The following DOK6 variants were observed in gnomAD, a reference collection of about 807,000 sequenced individuals.
DOK6 encodes the protein downstream of tyrosine kinase 6.
A neutral mutation model predicts 44.0 loss-of-function variants in DOK6; 22 were observed. That is an observed-to-expected ratio of 0.50 (90% confidence interval 0.36 to 0.71). The LOEUF (loss-of-function observed/expected upper bound fraction) is 0.71. Ranked by LOEUF, DOK6 falls within the 30% of genes least tolerant of loss-of-function variation. The pLI, the probability that DOK6 is intolerant of heterozygous loss-of-function variation, is 0.00. For synonymous variants in DOK6, 166 were observed against 145.5 expected, an observed-to-expected ratio of 1.14 and a Z score of -1.01; for missense variants, 340 against 416.4, an observed-to-expected ratio of 0.82 and a Z score of 1.60.
At chr18:69,739,207 C>G (rs1156748191) in intron 6 of DOK6, 104 bp downstream of exon 6, 1 of 1,466,938 alleles carries the variant, frequency 6.8e-7, no homozygotes, top group Non-Finnish European at 9.2e-7. Context: ...GCCTGGGTGT[C>G]CACCCTGCCC....
At chr18:69,796,849 T>C (rs1296966573) in intron 7 of DOK6, among the ~76,000 whole-genome samples, 1 of 152,192 alleles carries the variant, frequency 6.6e-6, no homozygotes, top group African/African-American at 2.4e-5. Flanking sequence ...AGTTATTTGA[T>C]GTTACATAAC....
chr18:69,418,890 T>A (rs975189780), intron 1 of DOK6, among the ~76,000 whole-genome samples: 4 of 152,096 alleles, frequency 2.6e-5, no homozygotes, highest in Non-Finnish European at 1.5e-5. Flanking sequence ...GGAAAAAACT[T>A]TTTTTGCCTA....
At chr18:69,700,998 G>A (rs1241057958) in intron 5 of DOK6, among the ~76,000 whole-genome samples, 1 of 152,136 alleles carries the variant, frequency 6.6e-6, no homozygotes, top group African/African-American at 2.4e-5. Context: ...AGTAGTATTA[G>A]TACAAATAAT....
rs74870508 is a variant in DOK6, at chr18:69,636,639, A to G, written c.289+37141A>G. On this transcript the variant is annotated intron_variant, in intron 3 of 7. Coordinates refer to ENST00000382713, the MANE Select transcript of DOK6 (RefSeq NM_152721.6). ...CTTGGGCTCTGCTTTCTGGGGCAACATTGGTTTGCTGTCTTCAAAGATCTG... is the reference window on the plus strand; with the variant it reads ...CTTGGGCTCTGCTTTCTGGGGCAACGTTGGTTTGCTGTCTTCAAAGATCTG... Among the ~76,000 whole-genome samples the G allele has an allele frequency of 3.3e-3, 499 of 152,280 alleles. 2 individuals carry two copies. The highest frequency in any genetic ancestry group is 5.6e-3 in the Non-Finnish European group (383 of 68,022).
At chr18:69,421,587 A>ATCC (rs2122407949) in intron 1 of DOK6, among the ~76,000 whole-genome samples, 1 of 152,302 alleles carries the variant, frequency 6.6e-6, no homozygotes, top group East Asian at 1.9e-4. Flanking sequence ...TCTAAACAAG[A>ATCC]AATACAGATT....
chr18:69,612,402 T>C (rs1355733033), intron 3 of DOK6, among the ~76,000 whole-genome samples: 3 of 146,666 alleles, frequency 2.0e-5, no homozygotes, highest in Non-Finnish European at 4.6e-5. Flanking sequence ...AGAGACTTTG[T>C]GTGCGAGGGC....
At chr18:69,723,989 C>T (rs1184783517) in intron 5 of DOK6, among the ~76,000 whole-genome samples, 1 of 152,176 alleles carries the variant, frequency 6.6e-6, no homozygotes, top group African/African-American at 2.4e-5. Flanking sequence ...AATCTGGTCT[C>T]AAAACCTTTA....
intron 3 of DOK6, among the ~76,000 whole-genome samples, chr18:69,639,454 G>A (rs1984887693): frequency 6.6e-6 from 1 of 152,142 alleles, no homozygotes; most frequent in African/African-American, 2.4e-5. Context: ...TGGCAGAGCT[G>A]GGTCCTCACC....
At chr18:69,701,462 C>T (rs1986518954) in intron 5 of DOK6, among the ~76,000 whole-genome samples, 1 of 152,176 alleles carries the variant, frequency 6.6e-6, no homozygotes, top group Non-Finnish European at 1.5e-5. Flanking sequence ...TGATTATGTA[C>T]AATTTTATCC....
At chr18:69,830,860 C>T (rs1981881477) in intron 7 of DOK6, among the ~76,000 whole-genome samples, 1 of 152,140 alleles carries the variant, frequency 6.6e-6, no homozygotes, top group African/African-American at 2.4e-5. Flanking sequence ...GCTTCTGTTT[C>T]CAGGAAACCT....
At chr18:69,482,802 T>C (rs1350126724) in intron 1 of DOK6, among the ~76,000 whole-genome samples, 2 of 151,968 alleles carry the variant, frequency 1.3e-5, no homozygotes, top group Non-Finnish European at 2.9e-5. Context: ...AAAAGTGATA[T>C]AAGAAATATG....
intron 4 of DOK6, among the ~76,000 whole-genome samples, chr18:69,691,302 C>A (rs1599265528): frequency 6.6e-6 from 1 of 151,904 alleles, no homozygotes; most frequent in South Asian, 2.1e-4. Flanking sequence ...GTGAAAAGAA[C>A]CAAGAAGTGT....
chr18:69,592,422 A>G (rs1291232297), intron 2 of DOK6, among the ~76,000 whole-genome samples: 1 of 152,028 alleles, frequency 6.6e-6, no homozygotes. Flanking sequence ...ATGAAATCCT[A>G]CAAAAACAAG....
At chr18:69,739,154 G>T (rs1288158942) in intron 6 of DOK6, 51 bp downstream of exon 6, 8 of 1,605,614 alleles carry the variant, frequency 5.0e-6, no homozygotes, top group African/African-American at 1.3e-5. Flanking sequence ...ATGTCACTGG[G>T]ATCTGATGTA....
rs1056780183 is a variant in DOK6 at position 69,846,797 on chromosome 18, G to A, written c.*5414G>A. 1 of 152,046 alleles carries A rather than the reference G, an allele frequency of 6.6e-6. No homozygotes were observed. The highest frequency in any genetic ancestry group is 6.6e-5 in the Admixed American group (1 of 15,258). 9.4% of individuals were successfully genotyped at this position (152,046 alleles called of 1,614,324 possible). ...TTTTTAACAACTTTGTTGCATAATT[G>A]ATAACATCAGGGCTACATTTTTTTC... On this transcript the variant is annotated 3_prime_UTR_variant, in exon 8 of 8. Transcript: ENST00000382713.
In DOK6 at chr18:69,846,370, G is replaced by A. The variant is rs1436309084; in HGVS notation, c.*4987G>A. On this transcript the variant is annotated 3_prime_UTR_variant, in exon 8 of 8. Transcript: ENST00000382713. ...GTCCTGATCTAGGAATGTTTCCTTG[G>A]CTCCATGGCATCTCCCAGTTTGACA... is the stretch of plus-strand genomic sequence containing the variant. 1.3e-5 allele frequency: 2 copies of A among 152,180 alleles called. No individual in the cohort carries two copies. Among genetic ancestry groups the A allele is most frequent in the Non-Finnish European group, 2.9e-5 (2 of 68,036 alleles). 9.4% of individuals were successfully genotyped at this position (152,180 alleles called of 1,614,324 possible).
chr18:69,755,631 T>C (rs1979330647), intron 6 of DOK6, among the ~76,000 whole-genome samples: 1 of 152,232 alleles, frequency 6.6e-6, no homozygotes, highest in Non-Finnish European at 1.5e-5. Context: ...GCCTGGCCTC[T>C]AGTTCTTTAT....
intron 7 of DOK6, among the ~76,000 whole-genome samples, chr18:69,804,765 C>G (rs1981005721): frequency 6.6e-6 from 1 of 152,120 alleles, no homozygotes; most frequent in African/African-American, 2.4e-5. Context: ...ACTACTTAAG[C>G]TTCCTCAGAA....
At chr18:69,773,852 T>C (rs1384169991) in intron 7 of DOK6, among the ~76,000 whole-genome samples, 1 of 151,560 alleles carries the variant, frequency 6.6e-6, no homozygotes, top group Admixed American at 6.6e-5. Context: ...GAAAACAGTC[T>C]GGAGACTCCT....
Sources: gnomAD v4.1 joint callset for allele counts (sites outside exome capture counted in the v4.1 genomes callset) on GRCh38, gnomAD v4.1.1 for gene constraint, MANE v1.5 for transcripts, NCBI Gene and HGNC (gene_info 2026-07-23, HGNC 2026-07-21) for gene names.